Variants in COL24A1 observed in about 807,000 individuals in gnomAD.
COL24A1 encodes collagen alpha-1(XXIV) chain.
COL24A1 carries 224 observed loss-of-function variants against 253.9 expected under a neutral mutation model. The ratio of observed to expected loss-of-function variants is 0.88; its 90% CI spans 0.79 to 0.99. The LOEUF (loss-of-function observed/expected upper bound fraction) is 0.99, where lower values mean the gene tolerates loss of function less well. Among genes scored for constraint, COL24A1 ranks in the 50% least tolerant of loss-of-function variants. The probability of loss-of-function intolerance (pLI) is 0.00; values close to 1 mark genes in which losing one functional copy is unlikely to be tolerated. For missense variants in COL24A1, 2,131 were observed against 2,068.5 expected, an observed-to-expected ratio of 1.03 and a Z score of -0.59; for synonymous variants, 685 against 673.7, an observed-to-expected ratio of 1.02 and a Z score of -0.26.
intron 19 of COL24A1, among the ~76,000 whole-genome samples, chr1:86,006,553 A>C (rs1444052616): frequency 6.6e-6 from 1 of 152,224 alleles, no homozygotes; most frequent in Admixed American, 6.5e-5. Flanking sequence ...CAATATTATA[A>C]AATCCTAGCA....
chr1:86,114,400 A>G (rs1311624178), intron 4 of COL24A1, among the ~76,000 whole-genome samples: 2 of 152,178 alleles, frequency 1.3e-5, no homozygotes, highest in African/African-American at 4.8e-5. Flanking sequence ...TAGGGAATAG[A>G]ATTAGTATGA....
At chr1:85,999,887 C>A (rs763749290) in intron 19 of COL24A1, among the ~76,000 whole-genome samples, 1 of 152,104 alleles carries the variant, frequency 6.6e-6, no homozygotes, top group Non-Finnish European at 1.5e-5. Context: ...AACATTAGCC[C>A]ACATTGCCTA....
chr1:85,736,510 A>C (rs922335275), intron 58 of COL24A1: 1 of 456,014 alleles, frequency 2.2e-6, no homozygotes, highest in African/African-American at 2.0e-5. Context: ...ATTCCCTAGG[A>C]ATGGAAGGAT....
At chr1:85,917,862 G>A (rs940000232) in intron 24 of COL24A1, among the ~76,000 whole-genome samples, 16 of 151,886 alleles carry the variant, frequency 1.1e-4, no homozygotes, top group African/African-American at 2.9e-4. Context: ...GCACCACGAC[G>A]CCCAGCTAAT....
chr1:85,920,493 T>A (rs990572695), intron 24 of COL24A1, among the ~76,000 whole-genome samples: 1 of 152,140 alleles, frequency 6.6e-6, no homozygotes, highest in Non-Finnish European at 1.5e-5. Flanking sequence ...GAAATTTGTG[T>A]TTGTGGTATC....
chr1:86,112,769 T>G, intron 4 of COL24A1, 149 bp from the exon 5 acceptor site: 1 of 573,018 alleles, frequency 1.7e-6, no homozygotes. Context: ...CCTACTTACT[T>G]CAGCTTATGC....
intron 19 of COL24A1, among the ~76,000 whole-genome samples, chr1:86,012,473 C>T (rs1571594958): frequency 6.6e-6 from 1 of 152,122 alleles, no homozygotes; most frequent in Non-Finnish European, 1.5e-5. Context: ...CCTGTAATCC[C>T]AGCTACCTGG....
chr1:86,038,066 G>A (rs1019638685), intron 12 of COL24A1, among the ~76,000 whole-genome samples: 3 of 151,428 alleles, frequency 2.0e-5, no homozygotes, highest in Admixed American at 6.6e-5. Context: ...TCCACCTGTC[G>A]CCAATGTAAA....
At chr1:85,963,719 TG>T (rs1211455368) in intron 23 of COL24A1, among the ~76,000 whole-genome samples, 1 of 152,176 alleles carries the variant, frequency 6.6e-6, no homozygotes, top group Non-Finnish European at 1.5e-5. Flanking sequence ...CAAAATTTCC[TG>T]TGTTTACTAG....
intron 28 of COL24A1, among the ~76,000 whole-genome samples, chr1:85,899,631 T>C (rs1032912710): frequency 6.6e-6 from 1 of 152,148 alleles, no homozygotes; most frequent in Non-Finnish European, 1.5e-5. Context: ...GGACACATAG[T>C]TGTATATTTA....
chr1:85,879,494 C>G (rs935653799), intron 32 of COL24A1, among the ~76,000 whole-genome samples: 17 of 152,018 alleles, frequency 1.1e-4, no homozygotes, highest in African/African-American at 4.1e-4. Context: ...GATCTACAGT[C>G]GACACTTAAA....
chr1:85,818,220 A>G lies in COL24A1; in HGVS notation c.3790-133T>C, dbSNP rs1673248524. 6.4e-6 allele frequency: 4 copies of G among 623,402 alleles called. 1 individual carries two copies. The highest frequency in any genetic ancestry group is 1.1e-5 in the Non-Finnish European group (4 of 356,844). The allele number at this position is 623,402 out of a possible 1,614,324, so 38.6% of individuals were successfully genotyped here. A position where few individuals can be genotyped will look rare whatever the true frequency, so the allele number is the denominator to read the frequency against. On this transcript the variant is annotated intron_variant, in intron 45 of 59. Coordinates refer to ENST00000370571, the MANE Select transcript of COL24A1 (RefSeq NM_152890.7). ...CTAGTTGTATATCATTAGGATTGCCATTTAATTTTCCTGGGAGTCAGCTTC... is the reference window on the plus strand; with the variant it reads ...CTAGTTGTATATCATTAGGATTGCCGTTTAATTTTCCTGGGAGTCAGCTTC...
intron 5 of COL24A1, among the ~76,000 whole-genome samples, chr1:86,110,991 G>C (rs1203624914): frequency 1.3e-5 from 2 of 152,176 alleles, no homozygotes; most frequent in Non-Finnish European, 2.9e-5. Flanking sequence ...ACATCCGCTA[G>C]GGGAAGCCAG....
At chr1:86,010,989 G>A (rs907266896) in intron 19 of COL24A1, among the ~76,000 whole-genome samples, 2 of 152,064 alleles carry the variant, frequency 1.3e-5, no homozygotes, top group African/African-American at 4.8e-5. Context: ...TCAGGGGGCA[G>A]GTGAGAACAC....
At chr1:85,919,278 C>T (rs184921900) in intron 24 of COL24A1, among the ~76,000 whole-genome samples, 1 of 152,302 alleles carries the variant, frequency 6.6e-6, no homozygotes, top group Non-Finnish European at 1.5e-5. Flanking sequence ...GCAATATGTC[C>T]TTTTAAGCTG....
At chr1:85,891,616 C>T (rs1683142280) in intron 31 of COL24A1, among the ~76,000 whole-genome samples, 1 of 152,102 alleles carries the variant, frequency 6.6e-6, no homozygotes, top group African/African-American at 2.4e-5. Flanking sequence ...CTGTTTCAGT[C>T]ATGTAAATGA....
chr1:86,019,382 C>G (rs1697280309), intron 18 of COL24A1, among the ~76,000 whole-genome samples: 1 of 127,014 alleles, frequency 7.9e-6, no homozygotes, highest in East Asian at 2.4e-4. Context: ...AAAGCAAGAC[C>G]TGGTTTCTAC....
At chr1:85,895,690 A>G (rs1683605724) in intron 31 of COL24A1, among the ~76,000 whole-genome samples, 168 bp downstream of exon 31, 1 of 152,160 alleles carries the variant, frequency 6.6e-6, no homozygotes, top group Non-Finnish European at 1.5e-5. Flanking sequence ...AAAGCAGATA[A>G]AGGTAATCAG....
intron 3 of COL24A1, among the ~76,000 whole-genome samples, chr1:86,118,707 G>C (rs1160540775): frequency 6.6e-6 from 1 of 152,146 alleles, no homozygotes; most frequent in East Asian, 1.9e-4. Flanking sequence ...TAATATGGTG[G>C]ACCTAATTTA....
Sources: allele counts gnomAD v4.1 joint callset (sites outside exome capture counted in the v4.1 genomes callset), GRCh38; gene constraint gnomAD v4.1.1; transcripts MANE v1.5; gene names NCBI Gene and HGNC (gene_info 2026-07-23, HGNC 2026-07-21).